Variants in NR5A2 observed in about 807,000 individuals in gnomAD.
NR5A2 encodes nuclear receptor subfamily 5 group A member 2.
A neutral mutation model predicts 62.7 loss-of-function variants in NR5A2; 26 were observed. That is an observed-to-expected ratio of 0.41 (90% confidence interval 0.30 to 0.58). The LOEUF (loss-of-function observed/expected upper bound fraction) is 0.58, where lower values mean the gene tolerates loss of function less well. Ranked by LOEUF, NR5A2 falls within the 20% of genes least tolerant of loss-of-function variation. The pLI, the probability that NR5A2 is intolerant of heterozygous loss-of-function variation, is 0.22. For missense variants in NR5A2, 541 were observed against 669.1 expected (o/e 0.81, Z 2.11); for synonymous variants, 246 against 241.7 (o/e 1.02, Z -0.16).
At chr1:200,043,355 A>C (rs1385817674) in intron 2 of NR5A2, among the ~76,000 whole-genome samples, 1 of 152,220 alleles carries the variant, frequency 6.6e-6, no homozygotes, top group Non-Finnish European at 1.5e-5. Context: ...AAACCACTTC[A>C]AGAGGGAGGG....
chr1:200,098,683 G>A (rs1333158260), intron 5 of NR5A2, among the ~76,000 whole-genome samples: 1 of 152,162 alleles, frequency 6.6e-6, no homozygotes, highest in African/African-American at 2.4e-5. Flanking sequence ...GATACTTTCA[G>A]CATTGATTCA....
At chr1:200,077,776 T>C (rs2102229426) in intron 5 of NR5A2, among the ~76,000 whole-genome samples, 1 of 152,278 alleles carries the variant, frequency 6.6e-6, no homozygotes, top group Non-Finnish European at 1.5e-5. Context: ...GTTGTGTGGT[T>C]CCGTCTTCCT....
In NR5A2 at chr1:200,043,877, C is replaced by G; in HGVS notation, c.306C>G (p.Thr102=). The change falls in exon 3 of 8, where the codon ACC becomes ACG. Residue 102 remains threonine (T), a synonymous_variant. Coordinates refer to ENST00000367362, the MANE Select transcript of NR5A2 (RefSeq NM_205860.3). The part of the protein sequence containing the change: ...KVSGYHYGLL[T]CESCKGFFKR... ...CTGGGTACCATTATGGGCTCCTCAC[C>G]TGTGAAAGCTGCAAGGTTTGCTCAC... 6.2e-7 allele frequency: 1 copy of G among 1,609,864 alleles called. No homozygotes were observed. The highest frequency in any genetic ancestry group is 1.1e-5 in the South Asian group (1 of 90,652).
intron 5 of NR5A2, among the ~76,000 whole-genome samples, chr1:200,071,110 G>A (rs143557441): frequency 2.4e-3 from 368 of 152,264 alleles, no homozygotes; most frequent in Non-Finnish European, 4.0e-3. Flanking sequence ...GCTGCCTAAC[G>A]AGAATTTGAG....
At chr1:200,030,995 C>A (rs997538440) in intron 1 of NR5A2, among the ~76,000 whole-genome samples, 1 of 152,182 alleles carries the variant, frequency 6.6e-6, no homozygotes, top group African/African-American at 2.4e-5. Context: ...AGTGTGATAG[C>A]CATTATGTCA....
At chr1:200,145,264 T>G (rs1252248187) in intron 7 of NR5A2, among the ~76,000 whole-genome samples, 1 of 152,096 alleles carries the variant, frequency 6.6e-6, no homozygotes, top group African/African-American at 2.4e-5. Context: ...GAGCTGAGAC[T>G]GAGACACTGC....
At chr1:200,171,036 G>A (rs1299179982) in intron 7 of NR5A2, among the ~76,000 whole-genome samples, 1 of 152,172 alleles carries the variant, frequency 6.6e-6, no homozygotes, top group African/African-American at 2.4e-5. Context: ...CTTATCCCCA[G>A]GAGCTTACGG....
Position 200,039,356 on chromosome 1 carries a change from G to T in NR5A2, c.65-302G>T, listed in dbSNP as rs527335373. Among the ~76,000 whole-genome samples the T allele has an allele frequency of 2.3e-3, 345 of 150,744 alleles. 3 individuals are homozygous for T. The highest frequency in any genetic ancestry group is 0.021 in the Admixed American group (313 of 15,188). On this transcript the variant is annotated intron_variant, in intron 1 of 7. Transcript: ENST00000367362. This position sits in a 1 kb window ranked among gnomAD's most constrained non-coding sequence, Gnocchi z 5.1. ...CTCCGCTGCCCGCCGGGAGCTCGGC[G>T]GTTCACGGCTCCGCGCCCCGGGCAG...
In NR5A2 at chr1:200,121,005, T is replaced by C. The variant is rs774082683; in HGVS notation, c.1378+50T>C. 4 of 1,597,536 alleles carry C rather than the reference T, an allele frequency of 2.5e-6. No homozygotes were observed. In the South Asian group the frequency reaches 4.5e-5, roughly 18 times the overall value. On this transcript the variant is annotated intron_variant, in intron 7 of 7. Coordinates refer to ENST00000367362, the MANE Select transcript of NR5A2 (RefSeq NM_205860.3). ...TGCTCAACCAACGATTGCTAAATGATGTTGAAGTTCAAATATCTTGTGGTC... is the reference window on the plus strand; with the variant it reads ...TGCTCAACCAACGATTGCTAAATGACGTTGAAGTTCAAATATCTTGTGGTC...
intron 5 of NR5A2, among the ~76,000 whole-genome samples, chr1:200,083,967 A>AAATAATAATAAT (rs149200240): frequency 2.8e-3 from 406 of 142,712 alleles, no homozygotes; most frequent in South Asian, 6.5e-3. Context: ...CTCCATCTCA[A>AAATAATAATAAT]AATAATAATA....
At chr1:200,062,745 A>G (rs79743398) in intron 5 of NR5A2, among the ~76,000 whole-genome samples, 5,022 of 152,314 alleles carry the variant, frequency 0.033, 121 homozygotes, top group Non-Finnish European at 0.051. Flanking sequence ...TTTCAATTAT[A>G]GATCTTACAG....
At chr1:200,134,373 A>G (rs1321760790) in intron 7 of NR5A2, among the ~76,000 whole-genome samples, 3 of 152,022 alleles carry the variant, frequency 2.0e-5, no homozygotes. Context: ...CAGGTGTGCT[A>G]TTTTTTATCT....
At chr1:200,108,780 G>C (rs1417093953) in intron 5 of NR5A2, among the ~76,000 whole-genome samples, 3 of 152,154 alleles carry the variant, frequency 2.0e-5, no homozygotes, top group African/African-American at 7.2e-5. Context: ...AACCCAGAGA[G>C]AGCAAAGTAC....
chr1:200,075,084 C>G (rs1663964752), intron 5 of NR5A2, among the ~76,000 whole-genome samples: 1 of 152,152 alleles, frequency 6.6e-6, no homozygotes, highest in African/African-American at 2.4e-5. Flanking sequence ...CTATCTTCAG[C>G]CAGACAGCTC....
chr1:200,160,636 G>T (rs896645363), intron 7 of NR5A2, among the ~76,000 whole-genome samples: 3 of 151,914 alleles, frequency 2.0e-5, no homozygotes, highest in Non-Finnish European at 4.4e-5. Flanking sequence ...TTTTTAACAA[G>T]AACTGTTCCA....
chr1:200,138,357 C>A (rs747489029), intron 7 of NR5A2, among the ~76,000 whole-genome samples: 3 of 152,138 alleles, frequency 2.0e-5, no homozygotes, highest in Non-Finnish European at 2.9e-5. Flanking sequence ...CAGATGCTGT[C>A]ATTATTCTGT....
At position 200,147,772 on chromosome 1, in the gene NR5A2, GCA is replaced by G. The variant is rs879700181; in HGVS notation, c.1379-26189_1379-26188del. On this transcript the variant is annotated intron_variant, in intron 7 of 7. Transcript: ENST00000367362. This position sits in a 1 kb window ranked among gnomAD's most constrained non-coding sequence, Gnocchi z 4.9. ...GACGCGGATGCCGGCGCGAATGCCG[GCA>G]CGGATGCCGGCACGGTGGGCAGCCG... 0.098 allele frequency: 1,042 copies of G among 10,678 alleles called. 8 individuals carry two copies. The highest frequency in any genetic ancestry group is 0.22 in the Non-Finnish European group (864 of 3,986). The allele number at this position is 10,678 out of a possible 1,614,324, so 0.7% of individuals were successfully genotyped here.
chr1:200,123,472 A>T (rs995751296), intron 7 of NR5A2, among the ~76,000 whole-genome samples: 2 of 152,204 alleles, frequency 1.3e-5, no homozygotes, highest in Non-Finnish European at 2.9e-5. Flanking sequence ...GGACATGGAC[A>T]TGAAAGCCAC....
Position 200,131,516 on chromosome 1 carries a change from A to G in NR5A2, c.1378+10561A>G, listed in dbSNP as rs183884684. Among the ~76,000 whole-genome samples, 916 of 152,334 alleles carry G rather than the reference A, an allele frequency of 6.0e-3. 5 individuals carry two copies. The highest frequency in any genetic ancestry group is 0.021 in the African/African-American group (869 of 41,576). On this transcript the variant is annotated intron_variant, in intron 7 of 7. Transcript: ENST00000367362. ...TTTAGTGAGATGATTTTTCAGAGACATATTGGCCAGGCAAGCTAGGAATAA... is the reference window on the plus strand; with the variant it reads ...TTTAGTGAGATGATTTTTCAGAGACGTATTGGCCAGGCAAGCTAGGAATAA...
Sources: allele counts gnomAD v4.1 joint callset (sites outside exome capture counted in the v4.1 genomes callset), GRCh38; gene constraint gnomAD v4.1.1; non-coding constraint Gnocchi (gnomAD v3.1); transcripts MANE v1.5; gene names NCBI Gene and HGNC (gene_info 2026-07-23, HGNC 2026-07-21).